Variants in CADM2 observed in about 807,000 individuals in gnomAD.
CADM2 encodes the protein immunoglobulin superfamily member 4D.
A neutral mutation model predicts 49.8 loss-of-function variants in CADM2; 12 were observed. The ratio of observed to expected loss-of-function variants is 0.24; its 90% CI spans 0.15 to 0.39. The LOEUF (loss-of-function observed/expected upper bound fraction) is 0.39, where lower values mean the gene tolerates loss of function less well. Ranked by LOEUF, CADM2 falls within the 10% of genes least tolerant of loss-of-function variation. CADM2 has a pLI of 1.00. For synonymous variants in CADM2, 214 were observed against 175.4 expected, an observed-to-expected ratio of 1.22 and a Z score of -1.74; for missense variants, 378 against 492.3, an observed-to-expected ratio of 0.77 and a Z score of 2.20.
chr3:85,752,873 C>T (rs971889852), intron 2 of CADM2, among the ~76,000 whole-genome samples: 1 of 151,852 alleles, frequency 6.6e-6, no homozygotes, highest in African/African-American at 2.4e-5. Flanking sequence ...AAAACATTGG[C>T]CAATTAAGAA....
intron 1 of CADM2, among the ~76,000 whole-genome samples, chr3:85,641,261 A>G (rs2064701417): frequency 6.6e-6 from 1 of 152,222 alleles, no homozygotes; most frequent in Admixed American, 6.5e-5. Context: ...CACTAGTAAT[A>G]GAAAATATTT....
chr3:85,642,865 G>A (rs1455084121), intron 1 of CADM2, among the ~76,000 whole-genome samples: 2 of 152,142 alleles, frequency 1.3e-5, no homozygotes, highest in Admixed American at 6.5e-5. Context: ...TTTGGGAAAC[G>A]AATGTGAAAG....
intron 1 of CADM2, among the ~76,000 whole-genome samples, chr3:85,558,731 C>T (rs1169798218): frequency 3.9e-5 from 6 of 151,986 alleles, no homozygotes; most frequent in Non-Finnish European, 8.8e-5. Flanking sequence ...AAAGCTATCC[C>T]AATATTTAGT....
At chr3:85,481,366 G>T (rs1439525692) in intron 1 of CADM2, among the ~76,000 whole-genome samples, 2 of 151,426 alleles carry the variant, frequency 1.3e-5, no homozygotes, top group Non-Finnish European at 3.0e-5. Flanking sequence ...CTCTCATATT[G>T]ACAGACAAGT....
At chr3:85,695,051 C>G (rs764695933) in intron 1 of CADM2, among the ~76,000 whole-genome samples, 1 of 152,130 alleles carries the variant, frequency 6.6e-6, no homozygotes, top group Non-Finnish European at 1.5e-5. Context: ...TCTAATGTCT[C>G]GTGTTTTTCA....
intron 1 of CADM2, among the ~76,000 whole-genome samples, chr3:85,461,825 T>A (rs1049190995): frequency 1.3e-5 from 2 of 152,172 alleles, no homozygotes; most frequent in African/African-American, 4.8e-5. Flanking sequence ...TGCTATCTAA[T>A]TAATGCCAAC....
chr3:86,057,167 C>A (rs1738093209), intron 8 of CADM2, among the ~76,000 whole-genome samples: 1 of 151,934 alleles, frequency 6.6e-6, no homozygotes, highest in Non-Finnish European at 1.5e-5. Flanking sequence ...CTTGAGTAAG[C>A]GCAGTGACGC....
At chr3:85,985,203 G>C (rs891429257) in intron 8 of CADM2, among the ~76,000 whole-genome samples, 16 of 151,808 alleles carry the variant, frequency 1.1e-4, no homozygotes, top group African/African-American at 3.9e-4. Context: ...TTAGTTGCCT[G>C]TTAAGGGCCC....
chr3:85,034,690 T>C (rs1290292586), intron 1 of CADM2, among the ~76,000 whole-genome samples: 2 of 151,996 alleles, frequency 1.3e-5, no homozygotes, highest in Non-Finnish European at 2.9e-5. Flanking sequence ...ATAATGGTTG[T>C]ACTAATTTAC....
At chr3:85,732,252 C>G (rs1471446955) in intron 2 of CADM2, among the ~76,000 whole-genome samples, 2 of 151,498 alleles carry the variant, frequency 1.3e-5, no homozygotes, top group South Asian at 2.1e-4. Flanking sequence ...CAGAGGGAGA[C>G]TCTGTCTCAA....
At chr3:85,265,554 G>C (rs2043104703) in intron 1 of CADM2, among the ~76,000 whole-genome samples, 1 of 152,064 alleles carries the variant, frequency 6.6e-6, no homozygotes, top group East Asian at 2.0e-4. Context: ...AACAAATCCA[G>C]TCCCTCAAAA....
intron 5 of CADM2, among the ~76,000 whole-genome samples, chr3:85,911,789 A>G (rs1406763251): frequency 6.6e-6 from 1 of 152,150 alleles, no homozygotes; most frequent in Non-Finnish European, 1.5e-5. Flanking sequence ...GATGATATGC[A>G]TTGTTTTAAT....
At chr3:85,017,766 A>C (rs1228051419) in intron 1 of CADM2, among the ~76,000 whole-genome samples, 1 of 152,194 alleles carries the variant, frequency 6.6e-6, no homozygotes, top group African/African-American at 2.4e-5. Context: ...ATACAGTATT[A>C]TTATGTTTAA....
chr3:85,127,433 C>T (rs2039073576), intron 1 of CADM2, among the ~76,000 whole-genome samples: 1 of 152,120 alleles, frequency 6.6e-6, no homozygotes, highest in Non-Finnish European at 1.5e-5. Context: ...CGTAAAGGGC[C>T]AACTGGCCCA....
intron 8 of CADM2, among the ~76,000 whole-genome samples, chr3:86,033,822 A>G (rs1233804493): frequency 6.8e-6 from 1 of 147,060 alleles, no homozygotes; most frequent in Non-Finnish European, 1.5e-5. Context: ...ACATAATTAT[A>G]TATATTTATA....
intron 1 of CADM2, among the ~76,000 whole-genome samples, chr3:85,367,267 T>A (rs935965108): frequency 3.9e-5 from 6 of 152,060 alleles, no homozygotes; most frequent in Non-Finnish European, 5.9e-5. Context: ...GTAAAATGTC[T>A]TTTTCAGTTC....
intron 1 of CADM2, among the ~76,000 whole-genome samples, chr3:85,014,140 C>T (rs569670849): frequency 9.2e-5 from 12 of 131,130 alleles, no homozygotes; most frequent in East Asian, 4.4e-4. Flanking sequence ...ATTATATATA[C>T]GCAGTGTAAT....
At chr3:85,597,006 G>A (rs1255103363) in intron 1 of CADM2, among the ~76,000 whole-genome samples, 1 of 152,016 alleles carries the variant, frequency 6.6e-6, no homozygotes. Context: ...TGTGAGCCAT[G>A]GCAGCCGGCC....
chr3:85,560,255 A>G (rs924827269), intron 1 of CADM2, among the ~76,000 whole-genome samples: 10 of 152,188 alleles, frequency 6.6e-5, no homozygotes, highest in African/African-American at 9.7e-5. Context: ...CACGAGCAGC[A>G]GGTGCACCAG....
Sources: gnomAD v4.1 joint callset for allele counts (sites outside exome capture counted in the v4.1 genomes callset) on GRCh38, gnomAD v4.1.1 for gene constraint, MANE v1.5 for transcripts, NCBI Gene and HGNC (gene_info 2026-07-23, HGNC 2026-07-21) for gene names.